RAB6B: variants seen among roughly 807,000 people sequenced by gnomAD.
The protein encoded by RAB6B is ras-related protein Rab-6B.
In RAB6B, 7 loss-of-function variants were observed where a neutral mutation model predicts 31.2. The observed-to-expected ratio is 0.22, with a 90% CI of 0.13 to 0.42. The LOEUF (loss-of-function observed/expected upper bound fraction) is 0.42, where lower values mean the gene tolerates loss of function less well. Ranked by LOEUF, RAB6B falls within the 10% of genes least tolerant of loss-of-function variation. The pLI is 1.00. For synonymous variants in RAB6B, 105 were observed against 104.9 expected (o/e 1.00, Z -0.01); for missense variants, 149 against 280.6 (o/e 0.53, Z 3.35).
chr3:133,885,905 G>T (rs562922304), intron 1 of RAB6B, among the ~76,000 whole-genome samples: 6 of 152,180 alleles, frequency 3.9e-5, no homozygotes, highest in Non-Finnish European at 8.8e-5. Context: ...GAACGTTTCT[G>T]TTCTGACCTA....
At chr3:133,884,316 G>C (rs1576410354) in intron 1 of RAB6B, among the ~76,000 whole-genome samples, 2 of 152,208 alleles carry the variant, frequency 1.3e-5, no homozygotes, top group East Asian at 3.8e-4. Context: ...GAGCAGGGGG[G>C]TGCACCAATT....
intron 3 of RAB6B, 79 bp from the exon 4 acceptor site, chr3:133,841,469 G>C: frequency 6.5e-7 from 1 of 1,546,284 alleles, no homozygotes; most frequent in Admixed American, 1.7e-5. Flanking sequence ...GACTGGGAGA[G>C]CCGGGCTCTG....
rs1559896617 is a variant in RAB6B at position 133,827,139 on chromosome 3, T to C, written c.*1649A>G. 2 of 152,438 alleles carry C rather than the reference T, an allele frequency of 1.3e-5. No homozygotes were observed. The highest frequency in any genetic ancestry group is 2.9e-5 in the Non-Finnish European group (2 of 68,044). 9.4% of individuals were successfully genotyped at this position (152,438 alleles called of 1,614,324 possible). On this transcript the variant is annotated 3_prime_UTR_variant, in exon 8 of 8. Coordinates refer to ENST00000285208, the MANE Select transcript of RAB6B (RefSeq NM_016577.4). Reference sequence around the variant, plus strand: ...GTGTGGCAGGCCCACTGCACAAATATCAGTCCTGCCAGATTCTGCTGCACT... The same window carrying C: ...GTGTGGCAGGCCCACTGCACAAATACCAGTCCTGCCAGATTCTGCTGCACT...
Position 133,893,356 on chromosome 3 carries a change from G to C in RAB6B, c.70+2041C>G, listed in dbSNP as rs572682884. Reference sequence around the variant, plus strand: ...ATGGGACTCTGGGACTCCAGGCAAGGCCTCCCTGTTCCCTGGGGCTCAGAC... The same window carrying C: ...ATGGGACTCTGGGACTCCAGGCAAGCCCTCCCTGTTCCCTGGGGCTCAGAC... On this transcript the variant is annotated intron_variant, in intron 1 of 7. Coordinates refer to ENST00000285208, the MANE Select transcript of RAB6B (RefSeq NM_016577.4). Among the ~76,000 whole-genome samples, 16 of 152,332 alleles carry C rather than the reference G, an allele frequency of 1.1e-4. No homozygotes were observed. The South Asian group carries it at 2.1e-3, about 20-fold the overall frequency.
intron 5 of RAB6B, 134 bp downstream of exon 5, chr3:133,839,372 G>A (rs948337819): frequency 1.4e-6 from 1 of 733,452 alleles, no homozygotes; most frequent in Non-Finnish European, 2.4e-6. Flanking sequence ...AGCTCCTAGT[G>A]TCTCAAGGGA....
chr3:133,844,464 A>G (rs1468642564), intron 2 of RAB6B, among the ~76,000 whole-genome samples: 1 of 152,198 alleles, frequency 6.6e-6, no homozygotes, highest in Non-Finnish European at 1.5e-5. Context: ...GATGGCGCCA[A>G]AGCATAGGCA....
chr3:133,841,387 G>A lies in RAB6B; in HGVS notation c.187C>T (p.Arg63Ter). The change falls in exon 4 of 8, where the codon CGA (arginine) becomes TGA (stop). Residue 63 changes from arginine (R) to a stop codon, truncating the protein, a stop_gained. Transcript: ENST00000285208. LOFTEE classifies it high-confidence loss of function. ...CCAGCTGTGTCCCAGAGCTGCAGTC[G>A]CACCTGTCTCAGGGAGGGCAGGACC... Reference protein sequence around the residue: ...KTMYLEDRTVRLQLWDTAGQE... With the variant: ...KTMYLEDRTV 6.2e-7 allele frequency: 1 copy of A among 1,614,030 alleles called. No homozygotes were observed. Among genetic ancestry groups the A allele is most frequent in the Non-Finnish European group, 8.5e-7 (1 of 1,179,978 alleles).
chr3:133,834,780 A>C, intron 6 of RAB6B, 139 bp from the exon 7 acceptor site: 1 of 785,384 alleles, frequency 1.3e-6, no homozygotes, highest in Non-Finnish European at 2.2e-6. Context: ...GGTGCCCTCA[A>C]AGGCAGGGGC....
chr3:133,870,531 G>C (rs1392499088), intron 1 of RAB6B, among the ~76,000 whole-genome samples: 2 of 152,162 alleles, frequency 1.3e-5, no homozygotes, highest in African/African-American at 4.8e-5. Flanking sequence ...TACAGGACCA[G>C]TGACTGGTCA....
chr3:133,895,518 A>C lies in RAB6B; in HGVS notation c.-52T>G. The C allele has an allele frequency of 6.3e-7, 1 of 1,585,458 alleles. No individual in the cohort carries two copies. Among genetic ancestry groups the C allele is most frequent in the Non-Finnish European group, 8.6e-7 (1 of 1,157,008 alleles). On this transcript the variant is annotated 5_prime_UTR_variant, in exon 1 of 8. Coordinates refer to ENST00000285208, the MANE Select transcript of RAB6B (RefSeq NM_016577.4). ...GAGGAGGAGGAAAAAGCGAAGGAGCAGGGAGGGGAGAGTAGGAGGGCGAGG... is the reference window on the plus strand; with the variant it reads ...GAGGAGGAGGAAAAAGCGAAGGAGCCGGGAGGGGAGAGTAGGAGGGCGAGG...
chr3:133,886,125 A>T (rs929123121), intron 1 of RAB6B, among the ~76,000 whole-genome samples: 1 of 151,910 alleles, frequency 6.6e-6, no homozygotes, highest in Non-Finnish European at 1.5e-5. Context: ...ACCACCCTGA[A>T]CCACACCCGA....
rs565463730 is a variant in RAB6B, at chr3:133,892,928, C to T, written c.70+2469G>A. 7.9e-5 allele frequency among the ~76,000 whole-genome samples: 12 copies of T among 152,336 alleles called. No individual in the cohort carries two copies. In the East Asian group the frequency reaches 2.1e-3, roughly 27 times the overall value. ...CCCCATCCCATAAGGCTTAGAGATG[C>T]ACATACATGTCCCCTACCTAACTCA... On this transcript the variant is annotated intron_variant, in intron 1 of 7. Coordinates refer to ENST00000285208, the MANE Select transcript of RAB6B (RefSeq NM_016577.4).
At position 133,828,620 on chromosome 3, in the gene RAB6B, C is replaced by T; in HGVS notation, c.*168G>A. 1 of 728,178 alleles carries T rather than the reference C, an allele frequency of 1.4e-6. No individual in the cohort carries two copies. Among genetic ancestry groups the T allele is most frequent in the Non-Finnish European group, 2.4e-6 (1 of 413,146 alleles). The allele number at this position is 728,178 out of a possible 1,614,324, so 45.1% of individuals were successfully genotyped here. A position where few individuals can be genotyped will look rare whatever the true frequency, so the allele number is the denominator to read the frequency against. On this transcript the variant is annotated 3_prime_UTR_variant, in exon 8 of 8. Coordinates refer to ENST00000285208, the MANE Select transcript of RAB6B (RefSeq NM_016577.4). ...TAACAGCCGTTAAGAGTGATGTGAT[C>T]CCTGATGCCCAGCCTCCCTCCCCAT...
chr3:133,838,810 G>A (rs1034003562), intron 5 of RAB6B, among the ~76,000 whole-genome samples: 4 of 152,210 alleles, frequency 2.6e-5, no homozygotes, highest in African/African-American at 9.7e-5. Flanking sequence ...AGTAAAGCAG[G>A]CTCTAATTCA....
intron 2 of RAB6B, among the ~76,000 whole-genome samples, chr3:133,844,834 T>C (rs752384130): frequency 3.3e-5 from 5 of 151,952 alleles, no homozygotes; most frequent in Non-Finnish European, 7.4e-5. Flanking sequence ...TCCCAGCTAC[T>C]TGTGAGGCTG....
chr3:133,832,035 C>G (rs1258440570), intron 7 of RAB6B, among the ~76,000 whole-genome samples: 1 of 152,184 alleles, frequency 6.6e-6, no homozygotes, highest in East Asian at 1.9e-4. Flanking sequence ...AATTAAGGAG[C>G]TGGGAGGCCT....
Position 133,824,680 on chromosome 3 carries a change from A to T in RAB6B, c.*4108T>A, listed in dbSNP as rs1005610104. 6 of 152,212 alleles carry T rather than the reference A, an allele frequency of 3.9e-5. No individual in the cohort carries two copies. Among genetic ancestry groups the T allele is most frequent in the African/African-American group, 1.4e-4 (6 of 41,442 alleles). The allele number at this position is 152,212 out of a possible 1,614,324, so 9.4% of individuals were successfully genotyped here. On this transcript the variant is annotated 3_prime_UTR_variant, in exon 8 of 8. Transcript: ENST00000285208. ...TCTGTGTGGGTGCCCATGACAATCA[A>T]TCAGAGTAGACTTGGGGACTGGCCC...
chr3:133,838,526 CT>C (rs1415271869), intron 5 of RAB6B, among the ~76,000 whole-genome samples: 7 of 152,378 alleles, frequency 4.6e-5, no homozygotes, highest in Non-Finnish European at 1.0e-4. Context: ...TGGGGTAGGG[CT>C]GCCCCATACC....
chr3:133,842,293 T>C (rs1576395714), intron 2 of RAB6B, among the ~76,000 whole-genome samples: 1 of 152,222 alleles, frequency 6.6e-6, no homozygotes, highest in South Asian at 2.1e-4. Flanking sequence ...CCTATGCCTC[T>C]TCTGCCCTGG....
Sources: gnomAD v4.1 joint callset for allele counts (sites outside exome capture counted in the v4.1 genomes callset) on GRCh38, gnomAD v4.1.1 for gene constraint, MANE v1.5 for transcripts, NCBI Gene and HGNC (gene_info 2026-07-23, HGNC 2026-07-21) for gene names.